Variants in ZMYND11 observed in about 807,000 individuals in gnomAD.
ZMYND11 encodes the protein zinc finger MYND domain-containing protein 11.
A neutral mutation model predicts 84.9 loss-of-function variants in ZMYND11; 9 were observed. The observed-to-expected ratio is 0.11, with a 90% CI of 0.06 to 0.18. ZMYND11 has a LOEUF of 0.18. Ranked by LOEUF, ZMYND11 falls within the 10% of genes least tolerant of loss-of-function variation. The pLI, the probability that ZMYND11 is intolerant of heterozygous loss-of-function variation, is 1.00. For missense variants in ZMYND11, 409 were observed against 761.0 expected, an observed-to-expected ratio of 0.54 and a Z score of 5.44; for synonymous variants, 250 against 244.1, an observed-to-expected ratio of 1.02 and a Z score of -0.23.
chr10:231,153 A>T (rs1051144517), intron 4 of ZMYND11, among the ~76,000 whole-genome samples: 3 of 152,240 alleles, frequency 2.0e-5, no homozygotes, highest in Admixed American at 2.0e-4. Context: ...CAGCAGAATT[A>T]AGTAGTCGAG....
At chr10:236,098 C>T (rs770489519) in intron 4 of ZMYND11, among the ~76,000 whole-genome samples, 11 of 152,210 alleles carry the variant, frequency 7.2e-5, no homozygotes, top group Non-Finnish European at 2.9e-5. Flanking sequence ...CTCATTTCCT[C>T]TGCAGTATGA....
At chr10:238,626 G>A (rs1589193078) in intron 6 of ZMYND11, among the ~76,000 whole-genome samples, 1 of 152,190 alleles carries the variant, frequency 6.6e-6, no homozygotes, top group South Asian at 2.1e-4. Context: ...AAAGTGCTGG[G>A]ATTACAGGCG....
At position 210,257 on chromosome 10, in the gene ZMYND11, A is replaced by G. The variant is rs138688348; in HGVS notation, c.276+209A>G. On this transcript the variant is annotated intron_variant, in intron 3 of 14. Coordinates refer to ENST00000381604, the MANE Select transcript of ZMYND11 (RefSeq NM_001370100.5). The stretch of plus-strand genomic sequence containing the variant: ...ACTTTTACAAAGATCCTGCTTCTCT[A>G]TATATTACCTTGAATCTAAAAAAGA... Among the ~76,000 whole-genome samples, 802 of 152,334 alleles carry G rather than the reference A, an allele frequency of 5.3e-3. 2 individuals carry two copies. Among genetic ancestry groups the G allele is most frequent in the African/African-American group, 0.018 (761 of 41,562 alleles).
intron 3 of ZMYND11, among the ~76,000 whole-genome samples, chr10:217,660 A>C (rs1946418977): frequency 6.6e-6 from 1 of 152,180 alleles, no homozygotes; most frequent in South Asian, 2.1e-4. Context: ...CACTGAGTAG[A>C]TAATAATAAC....
chr10:154,701 TATCAGG>T (rs1163269661), intron 1 of ZMYND11: 2 of 152,230 alleles, frequency 1.3e-5, no homozygotes, highest in African/African-American at 4.8e-5. Context: ...AGCTTTTCTA[TATCAGG>T]ATTTTTATAT....
chr10:175,381 A>G (rs896825972), intron 1 of ZMYND11, among the ~76,000 whole-genome samples: 1 of 152,198 alleles, frequency 6.6e-6, no homozygotes, highest in Non-Finnish European at 1.5e-5. Context: ...CAGCCTGGCC[A>G]ACATGGCGAA....
intron 1 of ZMYND11, among the ~76,000 whole-genome samples, chr10:164,937 C>G (rs1281186863): frequency 6.6e-6 from 1 of 151,828 alleles, no homozygotes; most frequent in Non-Finnish European, 1.5e-5. Flanking sequence ...TTGGGACTAT[C>G]TGATTTTTGA....
chr10:239,644 T>G, intron 7 of ZMYND11, 119 bp downstream of exon 7: 1 of 785,704 alleles, frequency 1.3e-6, no homozygotes. Context: ...GATCTACAAG[T>G]TTAGAGTATA....
rs116883431 is a variant in ZMYND11, at chr10:162,470, C to T, written c.-19-17524C>T. Reference sequence around the variant, plus strand: ...TTTTTTTTTAAAGAAGCAATACTTGCGGAGCACAATAAAGCAACTTGTAAA... The same window carrying T: ...TTTTTTTTTAAAGAAGCAATACTTGTGGAGCACAATAAAGCAACTTGTAAA... On this transcript the variant is annotated intron_variant, in intron 1 of 14. Transcript: ENST00000381604. Among the ~76,000 whole-genome samples, 461 of 151,424 alleles carry T rather than the reference C, an allele frequency of 3.0e-3. No individual in the cohort carries two copies. The Middle Eastern group carries it at 0.031, about 10-fold the overall frequency.
intron 1 of ZMYND11, chr10:148,697 C>T (rs1839516250): frequency 6.6e-6 from 1 of 152,272 alleles, no homozygotes; most frequent in African/African-American, 2.4e-5. Flanking sequence ...TAGGGAGTGA[C>T]CAGGTAAGCC....
intron 1 of ZMYND11, among the ~76,000 whole-genome samples, chr10:143,794 G>A (rs781815167): frequency 1.3e-5 from 2 of 151,914 alleles, no homozygotes; most frequent in African/African-American, 2.4e-5. Flanking sequence ...ATAACTTTAC[G>A]AAGCCTTTCA....
intron 3 of ZMYND11, among the ~76,000 whole-genome samples, chr10:216,062 A>T (rs1490739190): frequency 1.3e-5 from 2 of 152,118 alleles, no homozygotes; most frequent in Non-Finnish European, 2.9e-5. Flanking sequence ...TGTTCCTCCC[A>T]CCTCAAAATG....
chr10:242,850 AGAAAC>A (rs1262497605), intron 10 of ZMYND11, among the ~76,000 whole-genome samples: 29 of 152,352 alleles, frequency 1.9e-4, no homozygotes, highest in African/African-American at 7.0e-4. Flanking sequence ...TGTAGTTATA[AGAAAC>A]CTATAAATAC....
At chr10:131,697 T>G (rs1220337243), upstream of ZMYND11, among the ~76,000 whole-genome samples, 3 of 152,098 alleles carry the variant, frequency 2.0e-5, no homozygotes, top group Non-Finnish European at 4.4e-5. Context: ...GCTATTTTTT[T>G]TTTTTAATTT....
chr10:245,303 A>T (rs1951896001), intron 10 of ZMYND11, among the ~76,000 whole-genome samples: 1 of 152,204 alleles, frequency 6.6e-6, no homozygotes, highest in African/African-American at 2.4e-5. Context: ...ATTATTGTAT[A>T]TTTAAAGTGT....
At chr10:191,606 G>C (rs1940414814) in intron 2 of ZMYND11, among the ~76,000 whole-genome samples, 1 of 152,166 alleles carries the variant, frequency 6.6e-6, no homozygotes, top group South Asian at 2.1e-4. Flanking sequence ...GTTTTGAAGT[G>C]TATTGCTCTT....
chr10:206,027 T>TG (rs1278040666), intron 2 of ZMYND11, among the ~76,000 whole-genome samples: 7 of 150,858 alleles, frequency 4.6e-5, no homozygotes, highest in African/African-American at 1.7e-4. Flanking sequence ...TTTTTTTTTT[T>TG]TTTGTTTCAG....
chr10:158,093 G>A (rs1334937036), intron 1 of ZMYND11, among the ~76,000 whole-genome samples: 1 of 152,106 alleles, frequency 6.6e-6, no homozygotes, highest in Non-Finnish European at 1.5e-5. Flanking sequence ...TATTCCATTG[G>A]ATATAACACA....
At chr10:210,504 A>G (rs939676391) in intron 3 of ZMYND11, among the ~76,000 whole-genome samples, 4 of 152,204 alleles carry the variant, frequency 2.6e-5, no homozygotes, top group Non-Finnish European at 4.4e-5. Flanking sequence ...GCAGAGTACA[A>G]AGGTTCCAAA....
Sources: gnomAD v4.1 joint callset for allele counts (sites outside exome capture counted in the v4.1 genomes callset) on GRCh38, gnomAD v4.1.1 for gene constraint, MANE v1.5 for transcripts, NCBI Gene and HGNC (gene_info 2026-07-23, HGNC 2026-07-21) for gene names.